Variants in METAP2 observed in about 807,000 individuals in gnomAD.
METAP2 encodes the protein methionyl aminopeptidase 2, also known as methionine aminopeptidase 2.
Under a neutral mutation model 59.4 loss-of-function variants are expected in METAP2, and 25 were observed. The ratio of observed to expected loss-of-function variants is 0.42; its 90% CI spans 0.31 to 0.59. The LOEUF (loss-of-function observed/expected upper bound fraction) is 0.59. Among genes scored for constraint, METAP2 ranks in the 20% least tolerant of loss-of-function variants. The pLI is 0.16. For missense variants in METAP2, 366 were observed against 581.2 expected (o/e 0.63, Z 3.81); for synonymous variants, 214 against 194.1 (o/e 1.10, Z -0.85).
In METAP2 at chr12:95,515,282, C is replaced by T. The variant is rs533624385; in HGVS notation, c.*1378C>T. On this transcript the variant is annotated 3_prime_UTR_variant, in exon 11 of 11. Transcript: ENST00000323666. ...GAGCTATAAATGAATGTTACCTTGT[C>T]GGGAAACAATCTAGGTTTTAGCTGT... 3.1e-4 allele frequency: 48 copies of T among 152,608 alleles called. No homozygotes were observed. The highest frequency in any genetic ancestry group is 2.9e-3 in the Admixed American group (45 of 15,288). 9.5% of individuals were successfully genotyped at this position (152,608 alleles called of 1,614,324 possible).
At chr12:95,507,714 G>A (rs987155611) in intron 8 of METAP2, among the ~76,000 whole-genome samples, 1 of 151,756 alleles carries the variant, frequency 6.6e-6, no homozygotes, top group African/African-American at 2.4e-5. Context: ...TCCTCTCAGT[G>A]TGAAAGCACA....
chr12:95,506,114 G>C (rs764957734), intron 8 of METAP2, among the ~76,000 whole-genome samples: 1 of 151,562 alleles, frequency 6.6e-6, no homozygotes, highest in Non-Finnish European at 1.5e-5. Flanking sequence ...AAATAAAAAA[G>C]AGTCTTCCTC....
intron 7 of METAP2, 116 bp downstream of exon 7, chr12:95,496,214 A>G (rs1330887386): frequency 1.7e-6 from 1 of 595,920 alleles, no homozygotes; most frequent in Non-Finnish European, 2.9e-6. Context: ...TGGGTAATTA[A>G]GAGGAATAAA....
At chr12:95,474,956 A>G (rs2076107026) in intron 1 of METAP2, among the ~76,000 whole-genome samples, 1 of 152,152 alleles carries the variant, frequency 6.6e-6, no homozygotes, top group Non-Finnish European at 1.5e-5. Context: ...GCCAAGCTTT[A>G]GGGCCTTTAG....
chr12:95,499,254 A>G (rs1418373919), intron 7 of METAP2, among the ~76,000 whole-genome samples: 1 of 151,930 alleles, frequency 6.6e-6, no homozygotes, highest in African/African-American at 2.4e-5. Flanking sequence ...CAGTTCTTCT[A>G]CTTCATCCTC....
At chr12:95,488,074 G>A (rs2076210610) in intron 4 of METAP2, among the ~76,000 whole-genome samples, 1 of 152,124 alleles carries the variant, frequency 6.6e-6, no homozygotes, top group South Asian at 2.1e-4. Flanking sequence ...ATTAACCAAA[G>A]AATATATTAA....
rs568602073 is a variant in METAP2, at chr12:95,485,712, T to C, written c.326-167T>C. The C allele has an allele frequency of 1.7e-5, 9 of 516,906 alleles. No homozygotes were observed. In the East Asian group the frequency reaches 2.7e-4, roughly 16 times the overall value. The allele number at this position is 516,906 out of a possible 1,614,324, so 32.0% of individuals were successfully genotyped here. A position where few individuals can be genotyped will look rare whatever the true frequency, so the allele number is the denominator to read the frequency against. On this transcript the variant is annotated intron_variant, in intron 3 of 10. Transcript: ENST00000323666. The stretch of plus-strand genomic sequence containing the variant: ...CTTTTTCCCAAGCAGCAATAAATCA[T>C]TGAGGAGGTGGCCAGCATGATGAAG...
chr12:95,487,063 G>T (rs1466962527), intron 4 of METAP2, among the ~76,000 whole-genome samples: 2 of 152,182 alleles, frequency 1.3e-5, no homozygotes, highest in African/African-American at 4.8e-5. Flanking sequence ...CCATAAAATG[G>T]GCACTCTGCA....
intron 1 of METAP2, 106 bp from the exon 2 acceptor site, chr12:95,475,959 CTGTTTT>C: frequency 1.6e-6 from 1 of 622,830 alleles, no homozygotes; most frequent in South Asian, 2.1e-5. Context: ...AATAATGTTT[CTGTTTT>C]TGTTTCCTGA....
intron 4 of METAP2, among the ~76,000 whole-genome samples, chr12:95,488,117 G>C (rs1478709174): frequency 6.6e-6 from 1 of 151,922 alleles, no homozygotes; most frequent in African/African-American, 2.4e-5. Context: ...TAGTGATTTC[G>C]AGCATCTTTT....
At chr12:95,489,486 A>G (rs571763782) in intron 4 of METAP2, among the ~76,000 whole-genome samples, 19 of 152,216 alleles carry the variant, frequency 1.2e-4, no homozygotes, top group African/African-American at 1.9e-4. Context: ...ATAAATCTCA[A>G]TACTTTTTAC....
At chr12:95,495,366 A>G (rs1026673053) in intron 6 of METAP2, among the ~76,000 whole-genome samples, 10 of 152,170 alleles carry the variant, frequency 6.6e-5, no homozygotes, top group Admixed American at 6.5e-5. Context: ...GAATAAAATG[A>G]AAACTGTTGG....
intron 1 of METAP2, among the ~76,000 whole-genome samples, chr12:95,475,754 T>TTTG (rs1436188144): frequency 1.3e-5 from 2 of 152,220 alleles, no homozygotes; most frequent in African/African-American, 4.8e-5. Context: ...CTATCTGGTG[T>TTTG]TTAAGTATTT....
chr12:95,495,397 T>G (rs2076269163), intron 6 of METAP2, among the ~76,000 whole-genome samples: 1 of 152,176 alleles, frequency 6.6e-6, no homozygotes, highest in Non-Finnish European at 1.5e-5. Context: ...TTTATTACCC[T>G]TTGTATCAAG....
Position 95,512,893 on chromosome 12 carries a change from T to C in METAP2, c.1161T>C (p.Phe387=). 1.2e-6 allele frequency: 2 copies of C among 1,609,852 alleles called. No individual in the cohort carries two copies. Among genetic ancestry groups the C allele is most frequent in the Non-Finnish European group, 1.7e-6 (2 of 1,176,372 alleles). ...AATGTTCACATTACATGAAAAATTT[T>C]GATGTTGGACATGTGCCAATAAGGT... ...DMECSHYMKN[F]DVGHVPIRLP... The change falls in exon 10 of 11, where the codon TTT becomes TTC. Residue 387 remains phenylalanine, a synonymous_variant. Transcript: ENST00000323666.
intron 4 of METAP2, among the ~76,000 whole-genome samples, chr12:95,487,795 A>T (rs1375102798): frequency 6.6e-6 from 1 of 152,156 alleles, no homozygotes; most frequent in South Asian, 2.1e-4. Context: ...ATTCAGTGCT[A>T]ACTCTTGGAA....
chr12:95,490,078 A>T (rs150196136), intron 4 of METAP2, among the ~76,000 whole-genome samples: 2 of 151,582 alleles, frequency 1.3e-5, no homozygotes, highest in African/African-American at 4.8e-5. Context: ...TAAATTGGTG[A>T]GTCTGTATAT....
At chr12:95,498,204 C>T (rs2076289675) in intron 7 of METAP2, among the ~76,000 whole-genome samples, 1 of 151,624 alleles carries the variant, frequency 6.6e-6, no homozygotes, top group Admixed American at 6.6e-5. Flanking sequence ...TTCCTGAGCT[C>T]AAGCTGCACC....
At chr12:95,512,155 G>T (rs182968688) in intron 9 of METAP2, among the ~76,000 whole-genome samples, 157 bp downstream of exon 9, 5 of 152,284 alleles carry the variant, frequency 3.3e-5, no homozygotes, top group Admixed American at 3.3e-4. Context: ...TTTGCAAATT[G>T]TGTATAGTCA....
Sources: gnomAD v4.1 joint callset for allele counts (sites outside exome capture counted in the v4.1 genomes callset) on GRCh38, gnomAD v4.1.1 for gene constraint, MANE v1.5 for transcripts, NCBI Gene and HGNC (gene_info 2026-07-23, HGNC 2026-07-21) for gene names.